The following PCDHA5 variants were observed in gnomAD, a reference collection of about 807,000 sequenced individuals.
The protein encoded by PCDHA5 is protocadherin alpha-5.
PCDHA5 carries 43 observed loss-of-function variants against 61.6 expected under a neutral mutation model. That is an observed-to-expected ratio of 0.70 (90% CI 0.55 to 0.90). PCDHA5 has a LOEUF of 0.90. PCDHA5 is among the 40% of genes least tolerant of loss of function. PCDHA5 has a pLI of 0.00. For missense variants in PCDHA5, 1,298 were observed against 1,222.7 expected (o/e 1.06, Z -0.92); for synonymous variants, 627 against 543.9 (o/e 1.15, Z -2.13).
intron 1 of PCDHA5, among the ~76,000 whole-genome samples, chr5:140,973,232 G>GA (rs2096577680): frequency 6.6e-6 from 1 of 152,196 alleles, no homozygotes; most frequent in African/African-American, 2.4e-5. Flanking sequence ...ATAGTGACCT[G>GA]AAAGAGTTAA....
intron 1 of PCDHA5, chr5:140,926,614 C>G: frequency 2.6e-6 from 1 of 377,760 alleles, no homozygotes; most frequent in Non-Finnish European, 4.6e-6. Flanking sequence ...TCTCTGCACC[C>G]CTAGGCGGCG....
At chr5:140,930,918 T>G (rs1554208161) in intron 1 of PCDHA5, among the ~76,000 whole-genome samples, 1 of 152,180 alleles carries the variant, frequency 6.6e-6, no homozygotes, top group East Asian at 1.9e-4. Context: ...ACTTTAGATG[T>G]GTATATGTGG....
intron 1 of PCDHA5, among the ~76,000 whole-genome samples, chr5:140,855,450 T>C (rs1304022224): frequency 6.7e-6 from 1 of 149,974 alleles, no homozygotes; most frequent in African/African-American, 2.4e-5. Context: ...TTCGGAGTTA[T>C]AAACACCTCA....
chr5:140,906,262 A>AAT (rs2072503500), intron 1 of PCDHA5, among the ~76,000 whole-genome samples: 2 of 152,306 alleles, frequency 1.3e-5, no homozygotes, highest in African/African-American at 4.8e-5. Flanking sequence ...CACCTCCTGA[A>AAT]ATTATAGATA....
At position 140,850,499 on chromosome 5, in the gene PCDHA5, G is replaced by T. The variant is rs2150486529; in HGVS notation, c.2352+26372G>T. 2.5e-6 allele frequency: 4 copies of T among 1,598,170 alleles called. No individual in the cohort carries two copies. The East Asian group carries it at 8.9e-5, about 36-fold the overall frequency. ...CGGCCACGGCCACTGTGCTGGTGTCGCTGGTGGAGAGCGGCCAGGCGCCAA... is the reference window on the plus strand; with the variant it reads ...CGGCCACGGCCACTGTGCTGGTGTCTCTGGTGGAGAGCGGCCAGGCGCCAA... On this transcript the variant is annotated intron_variant, in intron 1 of 3. Transcript: ENST00000529859.
chr5:140,882,737 G>C lies in PCDHA5; in HGVS notation c.2352+58610G>C, dbSNP rs1375859660. The C allele has an allele frequency of 3.7e-6, 6 of 1,614,090 alleles. No homozygotes were observed. In the East Asian group the frequency reaches 1.1e-4, roughly 30 times the overall value. ...GGAAACTCGATTTCCACTAGATGGC[G>C]CATCCGATGCAGATATTGGAGTAAA... On this transcript the variant is annotated intron_variant, in intron 1 of 3. Transcript: ENST00000529859.
rs1554129365 is a variant in PCDHA5, at chr5:140,823,471, G to T, written c.1696G>T (p.Val566Leu). ...GAACGACAACGCGCCGGCGCTGCTG[G>T]TGCCTCGAGTGGGTGGCACCGGCGG... ...DENDNAPALL[V>L]PRVGGTGGAV... Residue 566 changes from valine (V) to leucine (L), a missense_variant, in exon 1 of 4, where the codon GTG becomes TTG. Coordinates refer to ENST00000529859, the MANE Select transcript of PCDHA5 (RefSeq NM_018908.3). 2 of 1,613,352 alleles carry T rather than the reference G, an allele frequency of 1.2e-6. No individual in the cohort carries two copies. Among genetic ancestry groups the T allele is most frequent in the African/African-American group, 2.7e-5 (2 of 74,930 alleles).
intron 1 of PCDHA5, chr5:140,967,045 C>T: frequency 6.2e-7 from 1 of 1,612,250 alleles, no homozygotes. Flanking sequence ...TGGAGCTGGA[C>T]CTGACGAGTG....
intron 1 of PCDHA5, chr5:140,876,592 G>A (rs1469576623): frequency 1.2e-6 from 2 of 1,614,164 alleles, no homozygotes; most frequent in Middle Eastern, 1.6e-4. Flanking sequence ...CCTGATTAGC[G>A]TGTCGGATCG....
chr5:140,967,210 C>A, intron 1 of PCDHA5: 1 of 1,613,674 alleles, frequency 6.2e-7, no homozygotes, highest in Non-Finnish European at 8.5e-7. Flanking sequence ...CACCGCGTTT[C>A]CCGCGGCCCA....
At position 140,928,256 on chromosome 5, in the gene PCDHA5, CT is replaced by C. The variant is rs1563103175; in HGVS notation, c.2353-50692del. 2.5e-6 allele frequency: 4 copies of C among 1,614,234 alleles called. No homozygotes were observed. The Admixed American group carries it at 6.7e-5, about 27-fold the overall frequency. On this transcript the variant is annotated intron_variant, in intron 1 of 3. Transcript: ENST00000529859. ...CAACCCCAGCAGGAACTTTTCGTTG[CT>C]GAAAACAATGGCCCTGGGGCCTCTC... is the stretch of plus-strand genomic sequence containing the variant.
chr5:140,829,308 C>T (rs2150165692), intron 1 of PCDHA5: 15 of 1,614,240 alleles, frequency 9.3e-6, no homozygotes, highest in East Asian at 2.2e-5. Flanking sequence ...AATTACTACT[C>T]GTTGGTGCTG....
At chr5:140,885,174 A>G (rs568198348) in intron 1 of PCDHA5, among the ~76,000 whole-genome samples, 11 of 152,108 alleles carry the variant, frequency 7.2e-5, no homozygotes, top group African/African-American at 2.6e-4. Context: ...TTTGTCCTCT[A>G]GGCACATCAG....
intron 1 of PCDHA5, chr5:140,877,444 G>A (rs782552942): frequency 6.2e-7 from 1 of 1,613,864 alleles, no homozygotes; most frequent in South Asian, 1.1e-5. Context: ...CGGTGAGCCC[G>A]CGCTGACGTC....
chr5:140,848,405 C>T, intron 1 of PCDHA5: 2 of 1,329,956 alleles, frequency 1.5e-6, no homozygotes, highest in Non-Finnish European at 2.1e-6. Flanking sequence ...TGAACGATGG[C>T]GAACACAGCA....
intron 1 of PCDHA5, among the ~76,000 whole-genome samples, chr5:140,952,753 A>T (rs782624078): frequency 4.6e-5 from 7 of 152,194 alleles, no homozygotes; most frequent in Non-Finnish European, 1.0e-4. Context: ...CTATAAAAAC[A>T]CCTGAGACTG....
chr5:140,951,149 T>C (rs911841540), intron 1 of PCDHA5, among the ~76,000 whole-genome samples: 8 of 100,620 alleles, frequency 8.0e-5, no homozygotes, highest in African/African-American at 3.8e-4. Context: ...TCTTATTGAA[T>C]ATAGTTATAG....
At chr5:140,964,629 T>C (rs1315614801) in intron 1 of PCDHA5, among the ~76,000 whole-genome samples, 1 of 152,028 alleles carries the variant, frequency 6.6e-6, no homozygotes, top group Non-Finnish European at 1.5e-5. Context: ...TTATAAGCCA[T>C]TTATTTTCAG....
rs2150374915 is a variant in PCDHA5 at position 140,844,901 on chromosome 5, G to T, written c.2352+20774G>T. 3.1e-4 allele frequency among the ~76,000 whole-genome samples: 47 copies of T among 149,514 alleles called. 3 individuals are homozygous for T. The highest frequency in any genetic ancestry group is 1.0e-3 in the African/African-American group (41 of 40,888). ...TAGACTTCGTGCATATTGCTTTGGA[G>T]AGAATGGTAGAAATTGATGGAAGGG... On this transcript the variant is annotated intron_variant, in intron 1 of 3. Coordinates refer to ENST00000529859, the MANE Select transcript of PCDHA5 (RefSeq NM_018908.3).
Sources: gnomAD v4.1 joint callset for allele counts (sites outside exome capture counted in the v4.1 genomes callset) on GRCh38, gnomAD v4.1.1 for gene constraint, MANE v1.5 for transcripts, NCBI Gene and HGNC (gene_info 2026-07-23, HGNC 2026-07-21) for gene names.